The following PRKACB variants were observed in gnomAD, a reference collection of about 807,000 sequenced individuals.
The protein encoded by PRKACB is protein kinase cAMP-activated catalytic subunit beta.
A neutral mutation model predicts 51.4 loss-of-function variants in PRKACB; 16 were observed. That is an observed-to-expected ratio of 0.31 (90% CI 0.21 to 0.47). PRKACB has a LOEUF of 0.47. Among genes scored for constraint, PRKACB ranks in the 20% least tolerant of loss-of-function variants. The probability of loss-of-function intolerance (pLI) is 1.00; values close to 1 mark genes in which losing one functional copy is unlikely to be tolerated. For synonymous variants in PRKACB, 147 were observed against 154.4 expected (o/e 0.95, Z 0.35); for missense variants, 309 against 464.5 (o/e 0.67, Z 3.08).
At chr1:84,127,122 G>A (rs11163903) in intron 1 of PRKACB, among the ~76,000 whole-genome samples, 75,348 of 151,872 alleles carry the variant, frequency 0.5, 19,137 homozygotes, top group Non-Finnish European at 0.56. Flanking sequence ...TCTTTTCTTT[G>A]TACTTCAGGT....
At chr1:84,232,613 A>G (rs1675906766) in intron 9 of PRKACB, among the ~76,000 whole-genome samples, 1 of 152,142 alleles carries the variant, frequency 6.6e-6, no homozygotes, top group African/African-American at 2.4e-5. Context: ...GGGTGCATAT[A>G]TATTTAGGAT....
intron 8 of PRKACB, among the ~76,000 whole-genome samples, chr1:84,209,173 TC>T (rs1214910030): frequency 2.0e-5 from 3 of 152,186 alleles, no homozygotes; most frequent in African/African-American, 7.2e-5. Context: ...TTCTCTTCTT[TC>T]TATGCACTTC....
intron 1 of PRKACB, chr1:84,174,995 T>C: frequency 3.5e-6 from 5 of 1,442,538 alleles, no homozygotes; most frequent in Non-Finnish European, 4.6e-6. Flanking sequence ...GTTATTCATA[T>C]AATTTAATCA....
chr1:84,163,631 C>T (rs1656570411), intron 1 of PRKACB, among the ~76,000 whole-genome samples: 1 of 152,126 alleles, frequency 6.6e-6, no homozygotes, highest in Admixed American at 6.6e-5. Context: ...CTGACTCCCA[C>T]TGTTTTTAGG....
At chr1:84,202,884 CATA>C (rs1309832937) in intron 8 of PRKACB, 79 bp downstream of exon 8, 5 of 1,219,166 alleles carry the variant, frequency 4.1e-6, no homozygotes, top group Non-Finnish European at 5.5e-6. Context: ...TATATTGTGT[CATA>C]ATTATTATTC....
chr1:84,138,519 G>GTT (rs1439845610), intron 1 of PRKACB, among the ~76,000 whole-genome samples: 1 of 152,038 alleles, frequency 6.6e-6, no homozygotes, highest in African/African-American at 2.4e-5. Context: ...CATTGTATTA[G>GTT]TATTTGTAAT....
intron 1 of PRKACB, among the ~76,000 whole-genome samples, chr1:84,126,094 G>A (rs1651573586): frequency 7.1e-6 from 1 of 139,930 alleles, no homozygotes; most frequent in Admixed American, 7.0e-5. Flanking sequence ...GGGGGGGAGG[G>A]GAGGGGAACC....
At chr1:84,197,184 A>G (rs1668467537) in intron 6 of PRKACB, among the ~76,000 whole-genome samples, 1 of 152,214 alleles carries the variant, frequency 6.6e-6, no homozygotes, top group Non-Finnish European at 1.5e-5. Flanking sequence ...GTCTGATCCC[A>G]GAGTCCATGC....
At chr1:84,100,172 C>T (rs1404391747) in intron 1 of PRKACB, among the ~76,000 whole-genome samples, 1 of 152,086 alleles carries the variant, frequency 6.6e-6, no homozygotes, top group African/African-American at 2.4e-5. Context: ...AGAGTGTGAG[C>T]ACATGAAGGA....
chr1:84,117,972 G>A (rs188287196), intron 1 of PRKACB, among the ~76,000 whole-genome samples: 28 of 152,274 alleles, frequency 1.8e-4, no homozygotes, highest in Admixed American at 9.2e-4. Context: ...GCACCTTGCT[G>A]CAGCTGTTCA....
chr1:84,145,569 A>G (rs1653944776), intron 1 of PRKACB, among the ~76,000 whole-genome samples: 1 of 152,118 alleles, frequency 6.6e-6, no homozygotes, highest in Non-Finnish European at 1.5e-5. Flanking sequence ...TTAATTTTTT[A>G]CTAAATCAGA....
At chr1:84,141,516 C>T (rs1039230242), upstream of PRKACB, among the ~76,000 whole-genome samples, 3 of 151,974 alleles carry the variant, frequency 2.0e-5, no homozygotes, top group African/African-American at 7.2e-5. Context: ...TCTGGAAGGA[C>T]TTGATAACAA....
chr1:84,220,561 T>C (rs1174865535), intron 9 of PRKACB, among the ~76,000 whole-genome samples: 1 of 152,204 alleles, frequency 6.6e-6, no homozygotes, highest in Admixed American at 6.5e-5. Flanking sequence ...TCATTCAGTA[T>C]GTTAGCTGTG....
intron 7 of PRKACB, among the ~76,000 whole-genome samples, chr1:84,200,784 G>A (rs575042700): frequency 2.0e-5 from 3 of 151,908 alleles, no homozygotes; most frequent in African/African-American, 4.8e-5. Context: ...GTCAAAGATC[G>A]GGTGGTCGTA....
intron 1 of PRKACB, among the ~76,000 whole-genome samples, chr1:84,116,667 T>G (rs1181816421): frequency 6.6e-6 from 1 of 152,192 alleles, no homozygotes; most frequent in Non-Finnish European, 1.5e-5. Context: ...TATGTTGATT[T>G]TGTCTCCTGC....
intron 1 of PRKACB, among the ~76,000 whole-genome samples, chr1:84,136,092 AAAGAT>A (rs1296235561): frequency 6.6e-6 from 1 of 152,136 alleles, no homozygotes; most frequent in Non-Finnish European, 1.5e-5. Flanking sequence ...TGGGCATTAA[AAAGAT>A]AATAAAGGAA....
In PRKACB at chr1:84,235,472, A is replaced by G. The variant is rs531802093; in HGVS notation, c.*167A>G. 12 of 804,376 alleles carry G rather than the reference A, an allele frequency of 1.5e-5. No homozygotes were observed. The highest frequency in any genetic ancestry group is 1.9e-5 in the Non-Finnish European group (10 of 518,404). 49.8% of individuals were successfully genotyped at this position (804,376 alleles called of 1,614,324 possible). A position where few individuals can be genotyped will look rare whatever the true frequency, so the allele number is the denominator to read the frequency against. The stretch of plus-strand genomic sequence containing the variant: ...CCGTGTGCGCACTCTGCATCCACCT[A>G]TGTAACAAGGCACCGCTAAGCAAGC... On this transcript the variant is annotated 3_prime_UTR_variant, in exon 10 of 10. Transcript: ENST00000370685.
At chr1:84,140,966 T>G (rs1158532964), upstream of PRKACB, among the ~76,000 whole-genome samples, 1 of 152,096 alleles carries the variant, frequency 6.6e-6, no homozygotes, top group East Asian at 1.9e-4. Flanking sequence ...ATTACAGTAA[T>G]TTCACAATGG....
At chr1:84,202,082 GAAGTA>G (rs1008493322) in intron 7 of PRKACB, among the ~76,000 whole-genome samples, 36 of 152,092 alleles carry the variant, frequency 2.4e-4, no homozygotes, top group African/African-American at 8.7e-4. Context: ...GTAGATAGCA[GAAGTA>G]AAGTATACCT....
Sources: allele counts gnomAD v4.1 joint callset (sites outside exome capture counted in the v4.1 genomes callset), GRCh38; gene constraint gnomAD v4.1.1; transcripts MANE v1.5; gene names NCBI Gene and HGNC (gene_info 2026-07-23, HGNC 2026-07-21).